The following PLCB1 variants were observed in gnomAD, a reference collection of about 807,000 sequenced individuals.
PLCB1 encodes the protein phospholipase C beta 1, also known as 1-phosphatidylinositol 4,5-bisphosphate phosphodiesterase beta-1.
Under a neutral mutation model 161.8 loss-of-function variants are expected in PLCB1, and 46 were observed. The observed-to-expected ratio is 0.28, with a 90% CI of 0.22 to 0.36. PLCB1 has a LOEUF of 0.36. Ranked by LOEUF, PLCB1 falls within the 10% of genes least tolerant of loss-of-function variation. PLCB1 has a pLI of 1.00. For missense variants in PLCB1, 1,016 were observed against 1,472.5 expected (o/e 0.69, Z 5.07); for synonymous variants, 517 against 503.7 (o/e 1.03, Z -0.35).
intron 3 of PLCB1, among the ~76,000 whole-genome samples, chr20:8,547,514 A>G (rs1312652885): frequency 6.6e-6 from 1 of 152,042 alleles, no homozygotes; most frequent in Non-Finnish European, 1.5e-5. Flanking sequence ...CTTAGACAGT[A>G]TCCTTTTTAC....
At chr20:8,757,300 G>A (rs6118306) in intron 24 of PLCB1, 122 bp downstream of exon 24, 2 of 1,001,600 alleles carry the variant, frequency 2.0e-6, no homozygotes, top group Non-Finnish European at 2.9e-6. Flanking sequence ...TGTGGACTTA[G>A]GAGGAGCTCC....
chr20:8,356,737 C>G (rs532631079), intron 2 of PLCB1, among the ~76,000 whole-genome samples: 239 of 152,132 alleles, frequency 1.6e-3, no homozygotes, highest in South Asian at 3.3e-3. Context: ...AATTGAAAAC[C>G]CAAATAAGCT....
Position 8,789,565 on chromosome 20 carries a change from A to T in PLCB1, c.3326A>T (p.Tyr1109Phe), listed in dbSNP as rs747642151. 1 of 1,610,680 alleles carries T rather than the reference A, an allele frequency of 6.2e-7. No homozygotes were observed. Among genetic ancestry groups the T allele is most frequent in the Non-Finnish European group, 8.5e-7 (1 of 1,176,960 alleles). ...IRSYIQEVVQ[Y>F]IKRLEEAQSK... ...TCATATATCCAGGAAGTGGTGCAGT[A>T]TATCAAGAGGGTATGTGGGCTCATC... The change falls in exon 30 of 32, where the codon TAT (tyrosine) becomes TTT (phenylalanine). Residue 1109 changes from tyrosine to phenylalanine, a missense_variant. Physicochemically the swap from Tyr to Phe is conservative, Grantham distance 22 (BLOSUM62 3). Around this residue, in one of 10 missense-constraint regions of PLCB1, gnomAD observed 398 missense variants for 445.4 expected, o/e 0.89. Coordinates refer to ENST00000338037, the MANE Select transcript of PLCB1 (RefSeq NM_015192.4).
At chr20:8,692,955 A>G (rs144234506) in intron 10 of PLCB1, among the ~76,000 whole-genome samples, 2 of 152,312 alleles carry the variant, frequency 1.3e-5, no homozygotes, top group Non-Finnish European at 2.9e-5. Flanking sequence ...CAGAACTACC[A>G]TGACTGACTG....
intron 3 of PLCB1, among the ~76,000 whole-genome samples, chr20:8,427,924 T>G (rs1396544896): frequency 6.6e-6 from 1 of 152,198 alleles, no homozygotes; most frequent in Non-Finnish European, 1.5e-5. Context: ...ACAGGGTCTA[T>G]GTGATTCTAG....
chr20:8,340,844 G>A (rs961978570), intron 2 of PLCB1, among the ~76,000 whole-genome samples: 1 of 152,160 alleles, frequency 6.6e-6, no homozygotes, highest in Non-Finnish European at 1.5e-5. Context: ...GGAGTCTAGG[G>A]TGCCTTTCCC....
intron 2 of PLCB1, among the ~76,000 whole-genome samples, chr20:8,292,401 C>T (rs1983426183): frequency 6.6e-6 from 1 of 152,030 alleles, no homozygotes; most frequent in South Asian, 2.1e-4. Context: ...AGAAAAGGGT[C>T]TCAAGAAGTA....
intron 2 of PLCB1, among the ~76,000 whole-genome samples, chr20:8,194,040 C>G (rs74764599): frequency 6.6e-6 from 1 of 151,808 alleles, no homozygotes; most frequent in African/African-American, 2.4e-5. Context: ...CCATGAGTCC[C>G]GGGTGATACT....
At chr20:8,702,547 C>T in intron 11 of PLCB1, among the ~76,000 whole-genome samples, 1 of 152,298 alleles carries the variant, frequency 6.6e-6, no homozygotes, top group East Asian at 1.9e-4. Context: ...TCACTGCTAC[C>T]TAAATGCACA....
At chr20:8,344,454 C>G (rs1600330723) in intron 2 of PLCB1, among the ~76,000 whole-genome samples, 1 of 152,228 alleles carries the variant, frequency 6.6e-6, no homozygotes, top group Non-Finnish European at 1.5e-5. Context: ...TTTGATTTCT[C>G]TATTGCATGG....
At chr20:8,853,052 G>A (rs1986942898) in intron 31 of PLCB1, among the ~76,000 whole-genome samples, 1 of 152,130 alleles carries the variant, frequency 6.6e-6, no homozygotes, top group Non-Finnish European at 1.5e-5. Context: ...TCCACAGAAT[G>A]CATGAATTTA....
intron 2 of PLCB1, among the ~76,000 whole-genome samples, chr20:8,198,557 A>G (rs2052054483): frequency 6.6e-6 from 1 of 152,134 alleles, no homozygotes; most frequent in Non-Finnish European, 1.5e-5. Context: ...AGGATGAAGT[A>G]TCTCACCTTT....
intron 9 of PLCB1, among the ~76,000 whole-genome samples, chr20:8,683,446 T>C (rs1990271696): frequency 6.6e-6 from 1 of 151,986 alleles, no homozygotes; most frequent in African/African-American, 2.4e-5. Flanking sequence ...ACATATTTAC[T>C]ACCCGCAAAT....
At chr20:8,385,068 G>A (rs886485155) in intron 3 of PLCB1, among the ~76,000 whole-genome samples, 13 of 152,212 alleles carry the variant, frequency 8.5e-5, no homozygotes, top group African/African-American at 2.7e-4. Flanking sequence ...TGGAGGGGAT[G>A]TGCTTCGCTG....
chr20:8,526,797 T>G (rs1984602514), intron 3 of PLCB1, among the ~76,000 whole-genome samples: 1 of 152,124 alleles, frequency 6.6e-6, no homozygotes, highest in Non-Finnish European at 1.5e-5. Context: ...AATGTTAATA[T>G]GCACCTACTG....
intron 6 of PLCB1, among the ~76,000 whole-genome samples, chr20:8,648,949 A>C (rs1035105600): frequency 6.7e-6 from 1 of 149,912 alleles, no homozygotes; most frequent in Non-Finnish European, 1.5e-5. Context: ...TCTAAAAAAA[A>C]AAAAAGAAAG....
intron 1 of PLCB1, among the ~76,000 whole-genome samples, chr20:8,140,338 C>T (rs190520718): frequency 3.9e-5 from 6 of 152,298 alleles, no homozygotes; most frequent in African/African-American, 1.2e-4. Context: ...TTCTGTTTCT[C>T]GCACCAAATC....
intron 27 of PLCB1, among the ~76,000 whole-genome samples, chr20:8,785,495 T>G (rs915698930): frequency 2.0e-5 from 3 of 152,168 alleles, no homozygotes; most frequent in African/African-American, 7.2e-5. Context: ...GCATCGTGGC[T>G]GAATCAGATA....
intron 7 of PLCB1, among the ~76,000 whole-genome samples, chr20:8,654,500 A>C (rs1416940709): frequency 6.6e-6 from 1 of 152,078 alleles, no homozygotes; most frequent in African/African-American, 2.4e-5. Flanking sequence ...CAAAGGAATT[A>C]AATAAGAGAT....
Sources: gnomAD v4.1 joint callset for allele counts (sites outside exome capture counted in the v4.1 genomes callset) on GRCh38, gnomAD v4.1.1 for gene constraint, gnomAD v4.1.1 regional missense constraint, MANE v1.5 for transcripts, NCBI Gene and HGNC (gene_info 2026-07-23, HGNC 2026-07-21) for gene names.